PRCD: variants seen among roughly 807,000 people sequenced by gnomAD.
PRCD encodes photoreceptor disk component PRCD.
A neutral mutation model predicts 10.1 loss-of-function variants in PRCD; 12 were observed. The observed-to-expected ratio is 1.18, with a 90% confidence interval of 0.76 to 1.92. The LOEUF (loss-of-function observed/expected upper bound fraction) is 1.92, where lower values mean the gene tolerates loss of function less well. PRCD is among the 40% of genes most tolerant of loss of function. PRCD has a pLI of 0.00. For synonymous variants in PRCD, 31 were observed against 26.2 expected (o/e 1.18, Z -0.56); for missense variants, 61 against 72.2 (o/e 0.84, Z 0.56).
chr17:76,531,662 T>A lies in PRCD; in HGVS notation n.45+3829T>A, dbSNP rs775812375. On this transcript the variant is annotated intron_variant and non_coding_transcript_variant, in intron 1 of 4. Transcript: ENST00000397633. The surrounding 1 kb of genome is among the most constrained non-coding windows in gnomAD (Gnocchi z 7.4). Reference sequence around the variant, plus strand: ...CATGTGCTTGAACTGGCTGAAGTACTGCTTGGCCGAGGGGAAGTTCACAAA... The same window carrying A: ...CATGTGCTTGAACTGGCTGAAGTACAGCTTGGCCGAGGGGAAGTTCACAAA... 2 of 1,600,914 alleles carry A rather than the reference T, an allele frequency of 1.2e-6. No homozygotes were observed. The highest frequency in any genetic ancestry group is 1.7e-6 in the Non-Finnish European group (2 of 1,168,916).
intron 1 of PRCD, among the ~76,000 whole-genome samples, chr17:76,534,337 C>A (rs1438098571): frequency 6.6e-6 from 1 of 152,122 alleles, no homozygotes; most frequent in East Asian, 1.9e-4. Flanking sequence ...CGCCACCACA[C>A]CCGGCTAATT....
upstream of PRCD, among the ~76,000 whole-genome samples, chr17:76,535,716 C>T (rs144940424): frequency 3.2e-3 from 485 of 152,274 alleles, 8 homozygotes; most frequent in South Asian, 0.026. Flanking sequence ...GCTGAAAACT[C>T]GGACTGCCCA....
At position 76,542,553 on chromosome 17, in the gene PRCD, G is replaced by A. The variant is rs768524158; in HGVS notation, c.144G>A (p.Arg48=). The A allele has an allele frequency of 6.2e-7, 1 of 1,614,204 alleles. No homozygotes were observed. The change falls in exon 3 of 5, where the codon AGG becomes AGA. Residue 48 remains arginine (R), a splice_region_variant and synonymous_variant. Coordinates refer to ENST00000592014, the MANE Select transcript of PRCD (RefSeq NM_001077620.3). ...SLDADPQSSG[R]EKEPLK ...GACCCCAGTGCTTTCCTCTGTTTAG[G>A]GAGAAAGAACCTCTGAAGTAAGCCC...
At position 76,544,712 on chromosome 17, in the gene PRCD, G is replaced by C. The variant is rs774585327; in HGVS notation, c.*1062G>C. The C allele has an allele frequency of 2.2e-6, 1 of 456,672 alleles. No individual in the cohort carries two copies. 28.3% of individuals were successfully genotyped at this position (456,672 alleles called of 1,614,324 possible). A position where few individuals can be genotyped will look rare whatever the true frequency, so the allele number is the denominator to read the frequency against. On this transcript the variant is annotated 3_prime_UTR_variant, in exon 5 of 5. Transcript: ENST00000592014. ...CTGAGGGCCAGAGGGCACTGTTCCC[G>C]GGACCCAGTCTGTGTTCCCCGATCC...
chr17:76,534,174 C>CTCTT (rs71363640), intron 1 of PRCD, among the ~76,000 whole-genome samples: 6 of 106,108 alleles, frequency 5.7e-5, no homozygotes, highest in East Asian at 3.3e-4. Flanking sequence ...CTCTCTCTCT[C>CTCTT]TCTTTCTTTC....
chr17:76,548,884 T>G (rs959146716), downstream of PRCD, among the ~76,000 whole-genome samples: 37 of 152,296 alleles, frequency 2.4e-4, no homozygotes, highest in Middle Eastern at 3.4e-3. Flanking sequence ...CATGACTGCC[T>G]CAGCTTCTGC....
downstream of PRCD, chr17:76,545,630 G>C (rs1030416115): frequency 6.1e-6 from 2 of 326,182 alleles, no homozygotes; most frequent in Non-Finnish European, 1.2e-5. Flanking sequence ...CTACCTCTGT[G>C]GCCTGGGTAA....
Position 76,531,351 on chromosome 17 carries a change from A to T in PRCD, n.45+3518A>T. 8 of 1,388,288 alleles carry T rather than the reference A, an allele frequency of 5.8e-6. No individual in the cohort carries two copies. The highest frequency in any genetic ancestry group is 7.9e-6 in the Non-Finnish European group (8 of 1,016,204). 86.0% of individuals were successfully genotyped at this position (1,388,288 alleles called of 1,614,324 possible). On this transcript the variant is annotated intron_variant and non_coding_transcript_variant, in intron 1 of 4. Transcript: ENST00000397633. This position sits in a 1 kb window ranked among gnomAD's most constrained non-coding sequence, Gnocchi z 7.4. ...GGCACTGCCCCTCCCTCTCGCAGCC[A>T]CTCCGGGGATCACCTCTGTTGCTCC...
chr17:76,548,007 C>T (rs1598218837), downstream of PRCD, among the ~76,000 whole-genome samples: 1 of 152,148 alleles, frequency 6.6e-6, no homozygotes, highest in South Asian at 2.1e-4. Flanking sequence ...CACACATTCA[C>T]ACATACACAT....
chr17:76,527,670 G>C (rs1000308964), upstream of PRCD: 3 of 453,860 alleles, frequency 6.6e-6, no homozygotes, highest in Non-Finnish European at 1.3e-5. Context: ...ACCCAGGCAT[G>C]TGGTCCCGCC....
chr17:76,539,961 TA>T, upstream of PRCD: 2 of 641,248 alleles, frequency 3.1e-6, no homozygotes, highest in Non-Finnish European at 5.5e-6. Context: ...CCAGTGAGCT[TA>T]ATCAGTCCTC....
At chr17:76,541,771 C>T (rs753016011) in intron 2 of PRCD, among the ~76,000 whole-genome samples, 1 of 152,158 alleles carries the variant, frequency 6.6e-6, no homozygotes, top group African/African-American at 2.4e-5. Flanking sequence ...CTATTGAGCC[C>T]GGGTCTAGAG....
intron 1 of PRCD, chr17:76,529,283 G>A (rs1156884753): frequency 1.0e-6 from 1 of 985,330 alleles, no homozygotes; most frequent in Non-Finnish European, 1.2e-6. Flanking sequence ...AAAGGGATGA[G>A]GGGACCACCC....
Position 76,544,997 on chromosome 17 carries a change from C to G in PRCD, c.*1347C>G, listed in dbSNP as rs780340686. 1 of 441,116 alleles carries G rather than the reference C, an allele frequency of 2.3e-6. No individual in the cohort carries two copies. The highest frequency in any genetic ancestry group is 4.5e-6 in the Non-Finnish European group (1 of 222,014). The allele number at this position is 441,116 out of a possible 1,614,324, so 27.3% of individuals were successfully genotyped here. A position where few individuals can be genotyped will look rare whatever the true frequency, so the allele number is the denominator to read the frequency against. ...AGAGGAAGGGGCTGCTGGCGGCCAG[C>G]GGGGCTGTGGCTGCCTGGGCTTGGA... On this transcript the variant is annotated 3_prime_UTR_variant, in exon 5 of 5. Coordinates refer to ENST00000592014, the MANE Select transcript of PRCD (RefSeq NM_001077620.3).
rs2278639 is a variant in PRCD, at chr17:76,544,410, C to T, written c.*760C>T. Reference sequence around the variant, plus strand: ...AGAGCAGAGGGAACCGCTGGGGAGGCGCTCAGGGTGGGGGAGGAGGTGCAC... The same window carrying T: ...AGAGCAGAGGGAACCGCTGGGGAGGTGCTCAGGGTGGGGGAGGAGGTGCAC... On this transcript the variant is annotated 3_prime_UTR_variant, in exon 5 of 5. Coordinates refer to ENST00000592014, the MANE Select transcript of PRCD (RefSeq NM_001077620.3). The T allele has an allele frequency of 0.25, 112,440 of 454,642 alleles. 15,448 individuals are homozygous for T. The highest frequency in any genetic ancestry group is 0.39 in the South Asian group (24,971 of 64,476). 28.2% of individuals were successfully genotyped at this position (454,642 alleles called of 1,614,324 possible). A position where few individuals can be genotyped will look rare whatever the true frequency, so the allele number is the denominator to read the frequency against.
At position 76,540,256 on chromosome 17, in the gene PRCD, G is replaced by T. The variant is rs766112913; in HGVS notation, c.74+41G>T. 52 of 1,209,948 alleles carry T rather than the reference G, an allele frequency of 4.3e-5. 2 individuals are homozygous for T. Among genetic ancestry groups the T allele is most frequent in the South Asian group, 6.5e-5 (5 of 76,706 alleles). 75.0% of individuals were successfully genotyped at this position (1,209,948 alleles called of 1,614,324 possible). On this transcript the variant is annotated intron_variant, in intron 1 of 4. Coordinates refer to ENST00000592014, the MANE Select transcript of PRCD (RefSeq NM_001077620.3). The surrounding 1 kb of genome is among the most constrained non-coding windows in gnomAD (Gnocchi z 5.0). Reference sequence around the variant, plus strand: ...GGCTATGGCTGGCGGTTGGTCGGGGGGGGGGGGCATGGGGCTGGGCTGCCA... The same window carrying T: ...GGCTATGGCTGGCGGTTGGTCGGGGTGGGGGGGCATGGGGCTGGGCTGCCA...
Position 76,531,669 on chromosome 17 carries a change from C to T in PRCD, n.45+3836C>T. 1 of 1,597,078 alleles carries T rather than the reference C, an allele frequency of 6.3e-7. No homozygotes were observed. The highest frequency in any genetic ancestry group is 2.3e-5 in the East Asian group (1 of 44,350). On this transcript the variant is annotated intron_variant and non_coding_transcript_variant, in intron 1 of 4. Transcript: ENST00000397633. The surrounding 1 kb of genome is among the most constrained non-coding windows in gnomAD (Gnocchi z 7.4). The stretch of plus-strand genomic sequence containing the variant: ...TTGAACTGGCTGAAGTACTGCTTGG[C>T]CGAGGGGAAGTTCACAAAGAACCTG...
rs767338118 is a variant in PRCD at position 76,531,763 on chromosome 17, G to GA, written n.45+3930_45+3931insA. On this transcript the variant is annotated intron_variant and non_coding_transcript_variant, in intron 1 of 4. Transcript: ENST00000397633. This position sits in a 1 kb window ranked among gnomAD's most constrained non-coding sequence, Gnocchi z 7.4. ...GGCCCACCCTGAAGCTTCCAGGATA[G>GA]TGGGGGCTGAAGAAGTGGACCGCAG... is the stretch of plus-strand genomic sequence containing the variant. 5.1e-5 allele frequency: 67 copies of GA among 1,326,478 alleles called. 1 individual carries two copies. Among genetic ancestry groups the GA allele is most frequent in the Non-Finnish European group, 6.5e-5 (62 of 959,610 alleles). The allele number at this position is 1,326,478 out of a possible 1,614,324, so 82.2% of individuals were successfully genotyped here.
At position 76,545,021 on chromosome 17, in the gene PRCD, G is replaced by C. The variant is rs1165455079; in HGVS notation, c.*1371G>C. ...GCGGGGCTGTGGCTGCCTGGGCTTG[G>C]AGGTTGCCTGGGCAGCTGGGGTGCC... is the stretch of plus-strand genomic sequence containing the variant. On this transcript the variant is annotated 3_prime_UTR_variant, in exon 5 of 5. Coordinates refer to ENST00000592014, the MANE Select transcript of PRCD (RefSeq NM_001077620.3). 8.8e-6 allele frequency: 4 copies of C among 455,126 alleles called. No homozygotes were observed. Among genetic ancestry groups the C allele is most frequent in the African/African-American group, 8.0e-5 (4 of 50,036 alleles). 28.2% of individuals were successfully genotyped at this position (455,126 alleles called of 1,614,324 possible). A position where few individuals can be genotyped will look rare whatever the true frequency, so the allele number is the denominator to read the frequency against.
Sources: gnomAD v4.1 joint callset for allele counts (sites outside exome capture counted in the v4.1 genomes callset) on GRCh38, gnomAD v4.1.1 for gene constraint, Gnocchi (gnomAD v3.1) non-coding constraint, MANE v1.5 for transcripts, NCBI Gene and HGNC (gene_info 2026-07-23, HGNC 2026-07-21) for gene names.